Variants in ERI2 observed in about 807,000 individuals in gnomAD.
The protein encoded by ERI2 is ERI1 exoribonuclease family member 2, also known as ERI1 exoribonuclease 2.
Under a neutral mutation model 46.8 loss-of-function variants are expected in ERI2, and 35 were observed. The observed-to-expected ratio is 0.75, with a 90% CI of 0.57 to 0.99. The LOEUF (loss-of-function observed/expected upper bound fraction) is 0.99. Ranked by LOEUF, ERI2 falls within the 50% of genes least tolerant of loss-of-function variation. ERI2 has a pLI of 0.00. For synonymous variants in ERI2, 224 were observed against 271.0 expected, an observed-to-expected ratio of 0.83 and a Z score of 1.70; for missense variants, 695 against 796.2, an observed-to-expected ratio of 0.87 and a Z score of 1.53.
downstream of ERI2, among the ~76,000 whole-genome samples, chr16:20,793,886 T>A (rs1204346994): frequency 6.6e-6 from 1 of 152,150 alleles, no homozygotes; most frequent in East Asian, 1.9e-4. Flanking sequence ...TAGCTGAGCC[T>A]TTCGGAACAG....
chr16:20,805,826 T>A (rs916400251), intron 1 of ERI2: 1 of 352,820 alleles, frequency 2.8e-6, no homozygotes, highest in Non-Finnish European at 4.0e-6. Flanking sequence ...GAATGTGAGG[T>A]CCCGTTCCAG....
chr16:20,798,332 T>C lies in ERI2; in HGVS notation c.1468A>G (p.Lys490Glu). ...HTTIYNVKEA[K>E]DPGSDISAFK... is the part of the protein sequence containing the mutation. ...GCAGAAATATCTGAACCTGGATCTT[T>C]GGCTTCTTTTACATTATAAATAGTA... The change falls in exon 9 of 9, where the codon AAA becomes GAA. Residue 490 changes from lysine to glutamate, a missense_variant. Physicochemically the swap from Lys to Glu is moderately conservative, Grantham distance 56 (BLOSUM62 1). Transcript: ENST00000357967. The C allele has an allele frequency of 6.4e-7, 1 of 1,551,596 alleles. No homozygotes were observed. Among genetic ancestry groups the C allele is most frequent in the Non-Finnish European group, 8.7e-7 (1 of 1,146,914 alleles).
At position 20,790,889 on chromosome 16, in the gene ERI2, G is replaced by A. The variant is rs1440619892; in HGVS notation, c.776C>T (p.Ala259Val). 1.2e-6 allele frequency: 2 copies of A among 1,614,046 alleles called. No individual in the cohort carries two copies. The highest frequency in any genetic ancestry group is 4.5e-5 in the East Asian group (2 of 44,884). The change falls in exon 9 of 11, where the codon GCC becomes GTC. Residue 259 changes from alanine (A) to valine (V), a missense_variant. Transcript: ENST00000300005. The surrounding 1 kb of genome is among the most constrained non-coding windows in gnomAD (Gnocchi z 4.0). ...AAGAAAAGCATGCTGGTCCCCTGAG[G>A]CCAGATCACTGTTCCAGGTCCACGA...
Position 20,790,365 on chromosome 16 carries a change from G to GTT in ERI2, c.815+483_815+484dup, listed in dbSNP as rs1567362246. Among the ~76,000 whole-genome samples, 2 of 152,310 alleles carry GTT rather than the reference G, an allele frequency of 1.3e-5. No individual in the cohort carries two copies. The highest frequency in any genetic ancestry group is 2.1e-4 in the South Asian group (1 of 4,826). ...CTTGGGAAGCTGAGGTGTGAGGACT[G>GTT]TTTGAGACCAGAAGTTTGACGCTGC... On this transcript the variant is annotated intron_variant, in intron 9 of 10. Transcript: ENST00000300005. This position sits in a 1 kb window ranked among gnomAD's most constrained non-coding sequence, Gnocchi z 4.0.
At chr16:20,781,110 G>A (rs1335349955) in intron 10 of ERI2, 2 of 1,613,954 alleles carry the variant, frequency 1.2e-6, no homozygotes, top group Non-Finnish European at 1.7e-6. Context: ...ACCCCGTTTT[G>A]AGCCGACTTC....
In ERI2 at chr16:20,797,524, G is replaced by A. The variant is rs1485426993; in HGVS notation, c.*200C>T. 1 of 1,175,818 alleles carries A rather than the reference G, an allele frequency of 8.5e-7. No homozygotes were observed. Among genetic ancestry groups the A allele is most frequent in the African/African-American group, 1.6e-5 (1 of 62,930 alleles). 72.8% of individuals were successfully genotyped at this position (1,175,818 alleles called of 1,614,324 possible). A position where few individuals can be genotyped will look rare whatever the true frequency, so the allele number is the denominator to read the frequency against. ...GTTTCAAGGTCTAACTATAAAAGAA[G>A]GATCATATACTATTGTTGCTTATTA... On this transcript the variant is annotated 3_prime_UTR_variant, in exon 9 of 9. Transcript: ENST00000357967.
downstream of ERI2, among the ~76,000 whole-genome samples, chr16:20,794,007 A>C (rs1029362726): frequency 2.0e-5 from 3 of 152,174 alleles, no homozygotes; most frequent in Non-Finnish European, 4.4e-5. Flanking sequence ...TGGATTAGTC[A>C]GAGTGAGGGG....
chr16:20,792,825 T>A, downstream of ERI2: 1 of 547,444 alleles, frequency 1.8e-6, no homozygotes, highest in South Asian at 8.0e-5. Flanking sequence ...GGAAATAAAC[T>A]CTGAATAACA....
In ERI2 at chr16:20,797,030, A is replaced by C; in HGVS notation, c.*694T>G. 6.3e-7 allele frequency: 1 copy of C among 1,586,030 alleles called. No homozygotes were observed. The highest frequency in any genetic ancestry group is 8.5e-7 in the Non-Finnish European group (1 of 1,169,650). On this transcript the variant is annotated 3_prime_UTR_variant, in exon 9 of 9. Transcript: ENST00000357967. ...AAACATAGTATCTGTCAATCTCTAG[A>C]AACCACAAGATGATGGAGAGGTCAT...
rs1463444630 is a variant in ERI2 at position 20,797,244 on chromosome 16, A to G, written c.*480T>C. The G allele has an allele frequency of 2.7e-6, 3 of 1,121,080 alleles. No individual in the cohort carries two copies. Among genetic ancestry groups the G allele is most frequent in the Non-Finnish European group, 3.3e-6 (3 of 920,156 alleles). 69.4% of individuals were successfully genotyped at this position (1,121,080 alleles called of 1,614,324 possible). A position where few individuals can be genotyped will look rare whatever the true frequency, so the allele number is the denominator to read the frequency against. On this transcript the variant is annotated 3_prime_UTR_variant, in exon 9 of 9. Coordinates refer to ENST00000357967, the MANE Select transcript of ERI2 (RefSeq NM_001142725.2). ...ATTTTTAAATGTATAGTATAGAAGC[A>G]GTTTCTGAACCAGATCTCTGCTACA...
rs1349105402 is a variant in ERI2 at position 20,805,889 on chromosome 16, CCT to C, written c.23+517_23+518del. ...GTGGACGCGCCACGTTATAAATGAC[CCT>C]GTCTCCTTTGTTCAGTGTACTCTCC... is the stretch of plus-strand genomic sequence containing the variant. On this transcript the variant is annotated intron_variant, in intron 1 of 8. Transcript: ENST00000357967. 29 of 854,666 alleles carry C rather than the reference CCT, an allele frequency of 3.4e-5. No homozygotes were observed. In the African/African-American group the frequency reaches 4.9e-4, roughly 15 times the overall value. 52.9% of individuals were successfully genotyped at this position (854,666 alleles called of 1,614,324 possible).
rs771563092 is a variant in ERI2 at position 20,799,364 on chromosome 16, A to G, written c.644-13T>C. 9.3e-6 allele frequency: 15 copies of G among 1,611,798 alleles called. No individual in the cohort carries two copies. Among genetic ancestry groups the G allele is most frequent in the Non-Finnish European group, 1.2e-5 (14 of 1,178,670 alleles). ...GAATCGTCCAACCCTGAGGATACAG[A>G]TATCAAACACTGAATTTAGTGGTAC... On this transcript the variant is annotated splice_polypyrimidine_tract_variant and intron_variant, in intron 7 of 8. Transcript: ENST00000357967.
chr16:20,797,177 A>G lies in ERI2; in HGVS notation c.*547T>C, dbSNP rs2080739370. ...CCTCCACATTAGTGTCAATGTTCCT[A>G]TCATTTCTTAATATAAAAATAATAC... is the stretch of plus-strand genomic sequence containing the variant. On this transcript the variant is annotated 3_prime_UTR_variant, in exon 9 of 9. Transcript: ENST00000357967. The G allele has an allele frequency of 5.4e-6, 7 of 1,292,286 alleles. No individual in the cohort carries two copies. Among genetic ancestry groups the G allele is most frequent in the South Asian group, 2.1e-5 (1 of 48,414 alleles). The allele number at this position is 1,292,286 out of a possible 1,614,324, so 80.1% of individuals were successfully genotyped here.
rs80100519 is a variant in ERI2, at chr16:20,787,055, C to G, written c.894+2424G>C. 6.6e-3 allele frequency among the ~76,000 whole-genome samples: 1,011 copies of G among 152,310 alleles called. 18 individuals are homozygous for G. Among genetic ancestry groups the G allele is most frequent in the African/African-American group, 0.023 (951 of 41,574 alleles). The stretch of plus-strand genomic sequence containing the variant: ...TACCACCTGATGCCTAGGGGGAATT[C>G]CAGTTCCCCATCAGCAAGCTTTATA... On this transcript the variant is annotated intron_variant, in intron 10 of 10. Coordinates refer to the ERI2 transcript ENST00000300005.
Position 20,796,348 on chromosome 16 carries a change from GTGT to G in ERI2, c.*1373_*1375del. 1 of 1,601,306 alleles carries G rather than the reference GTGT, an allele frequency of 6.2e-7. No homozygotes were observed. The highest frequency in any genetic ancestry group is 8.5e-7 in the Non-Finnish European group (1 of 1,176,436). The stretch of plus-strand genomic sequence containing the variant: ...TACAAATGCATAACTCATTTTCCTG[GTGT>G]TTCAAATATTTATTTTAGGTAGTAA... On this transcript the variant is annotated 3_prime_UTR_variant, in exon 9 of 9. Coordinates refer to ENST00000357967, the MANE Select transcript of ERI2 (RefSeq NM_001142725.2).
At chr16:20,784,350 TAC>T (rs1406288225) in intron 10 of ERI2, among the ~76,000 whole-genome samples, 1 of 152,210 alleles carries the variant, frequency 6.6e-6, no homozygotes, top group Non-Finnish European at 1.5e-5. Context: ...TACAGCAGAT[TAC>T]AGAGTACTTC....
intron 10 of ERI2, among the ~76,000 whole-genome samples, chr16:20,787,144 C>T (rs1408286796): frequency 3.9e-5 from 6 of 152,206 alleles, no homozygotes; most frequent in African/African-American, 1.4e-4. Context: ...AGGAACTTAA[C>T]ACTAATTTGG....
chr16:20,787,167 T>C (rs1288085103), intron 10 of ERI2, among the ~76,000 whole-genome samples: 1 of 152,232 alleles, frequency 6.6e-6, no homozygotes, highest in African/African-American at 2.4e-5. Flanking sequence ...ACTCCTCAAC[T>C]TATGATAGGG....
downstream of ERI2, chr16:20,792,244 T>C (rs1479689651): frequency 6.2e-7 from 1 of 1,614,130 alleles, no homozygotes; most frequent in Non-Finnish European, 8.5e-7. Context: ...AGCTATCGAA[T>C]TGGACCATTT....
Sources: allele counts gnomAD v4.1 joint callset (sites outside exome capture counted in the v4.1 genomes callset), GRCh38; gene constraint gnomAD v4.1.1; non-coding constraint Gnocchi (gnomAD v3.1); transcripts MANE v1.5; gene names NCBI Gene and HGNC (gene_info 2026-07-23, HGNC 2026-07-21).